Variants in GOT1 observed in about 807,000 individuals in gnomAD.
The protein encoded by GOT1 is glutamic-oxaloacetic transaminase 1, also known as aspartate aminotransferase, cytoplasmic.
A neutral mutation model predicts 48.2 loss-of-function variants in GOT1; 25 were observed. The ratio of observed to expected loss-of-function variants is 0.52; its 90% CI spans 0.38 to 0.72. GOT1 has a LOEUF of 0.72. GOT1 is among the 30% of genes least tolerant of loss of function. GOT1 has a pLI of 0.00. For synonymous variants in GOT1, 188 were observed against 193.8 expected (o/e 0.97, Z 0.25); for missense variants, 380 against 520.1 (o/e 0.73, Z 2.62).
At chr10:99,410,262 T>A (rs1335993563) in intron 2 of GOT1, among the ~76,000 whole-genome samples, 2 of 152,250 alleles carry the variant, frequency 1.3e-5, no homozygotes, top group Non-Finnish European at 2.9e-5. Flanking sequence ...AAGTTGAATG[T>A]CAGTTTCATA....
At chr10:99,422,476 C>A (rs908473437) in intron 1 of GOT1, among the ~76,000 whole-genome samples, 6 of 152,118 alleles carry the variant, frequency 3.9e-5, no homozygotes, top group Non-Finnish European at 7.4e-5. Context: ...TGGGCATATT[C>A]TTTTATAAAA....
chr10:99,424,253 T>C (rs577800978), intron 1 of GOT1, among the ~76,000 whole-genome samples: 1 of 152,338 alleles, frequency 6.6e-6, no homozygotes, highest in East Asian at 1.9e-4. Context: ...AAGTCAATTA[T>C]TTTTCGGGAA....
chr10:99,419,702 G>A (rs1035035431), intron 2 of GOT1, among the ~76,000 whole-genome samples: 1 of 152,142 alleles, frequency 6.6e-6, no homozygotes, highest in African/African-American at 2.4e-5. Flanking sequence ...CTGGCATGGG[G>A]TCCACAGGGC....
intron 5 of GOT1, 59 bp from the exon 6 acceptor site, chr10:99,403,933 C>A: frequency 6.4e-7 from 1 of 1,553,842 alleles, no homozygotes; most frequent in Non-Finnish European, 8.9e-7. Flanking sequence ...CCTCAGACAC[C>A]GGCCTTCCTT....
intron 2 of GOT1, among the ~76,000 whole-genome samples, chr10:99,418,494 CTT>C: frequency 7.1e-6 from 1 of 140,630 alleles, no homozygotes; most frequent in South Asian, 2.3e-4. Context: ...TCCCCACTTT[CTT>C]TTTTTTTTTT....
intron 1 of GOT1, among the ~76,000 whole-genome samples, chr10:99,425,604 C>T (rs2033028593): frequency 6.6e-6 from 1 of 152,058 alleles, no homozygotes; most frequent in African/African-American, 2.4e-5. Flanking sequence ...GAAATAGATT[C>T]GAGGTAGAAA....
intron 2 of GOT1, among the ~76,000 whole-genome samples, chr10:99,408,297 T>G (rs1391101455): frequency 2.0e-5 from 3 of 152,216 alleles, no homozygotes; most frequent in African/African-American, 7.2e-5. Flanking sequence ...TATAGATCTT[T>G]GATTTTGCCT....
At chr10:99,402,900 G>C (rs1366220980) in intron 7 of GOT1, among the ~76,000 whole-genome samples, 178 bp from the exon 8 acceptor site, 1 of 152,210 alleles carries the variant, frequency 6.6e-6, no homozygotes, top group African/African-American at 2.4e-5. Context: ...GACTTAGGGG[G>C]CAGAAGGAAA....
At chr10:99,413,429 A>G (rs2134103130) in intron 2 of GOT1, among the ~76,000 whole-genome samples, 1 of 152,368 alleles carries the variant, frequency 6.6e-6, no homozygotes, top group East Asian at 1.9e-4. Flanking sequence ...TCCAAGAAAT[A>G]TGCGACTATG....
chr10:99,424,297 G>A (rs1412050877), intron 1 of GOT1, among the ~76,000 whole-genome samples: 1 of 152,204 alleles, frequency 6.6e-6, no homozygotes, highest in Admixed American at 6.5e-5. Context: ...AAAAGAGTGA[G>A]TGAATAAGCT....
Position 99,403,528 on chromosome 10 carries a change from G to C in GOT1, c.900C>G (p.Pro300=), listed in dbSNP as rs574932479. 3 of 1,613,864 alleles carry C rather than the reference G, an allele frequency of 1.9e-6. No homozygotes were observed. Among genetic ancestry groups the C allele is most frequent in the East Asian group, 2.2e-5 (1 of 44,894 alleles). Residue 300 remains proline, a synonymous_variant, in exon 7 of 9, where the codon CCC becomes CCG. Coordinates refer to ENST00000370508, the MANE Select transcript of GOT1 (RefSeq NM_002079.3). ...TGGCCACAATTCGTGCTCCCTGGGC[G>C]GGGGGATTGGACCAAGTAATCCGCA... The part of the protein sequence containing the change: ...KIVRITWSNP[P]AQGARIVAST...
chr10:99,403,653 A>C lies in GOT1; in HGVS notation c.794-19T>G. 6.2e-7 allele frequency: 1 copy of C among 1,614,038 alleles called. No individual in the cohort carries two copies. The highest frequency in any genetic ancestry group is 8.5e-7 in the Non-Finnish European group (1 of 1,179,882). On this transcript the variant is annotated intron_variant, in intron 6 of 8. Coordinates refer to ENST00000370508, the MANE Select transcript of GOT1 (RefSeq NM_002079.3). ...CTCTCATCTAAAGAGAGGGACCAGA[A>C]TCAGCTGTGGCTGCTGAAGCAGGGA...
At chr10:99,428,166 T>A (rs527509198) in intron 1 of GOT1, among the ~76,000 whole-genome samples, 1 of 152,300 alleles carries the variant, frequency 6.6e-6, no homozygotes, top group African/African-American at 2.4e-5. Flanking sequence ...TTATTCAATA[T>A]CTTTTATGAG....
At chr10:99,411,306 G>A (rs138066011) in intron 2 of GOT1, among the ~76,000 whole-genome samples, 3 of 152,306 alleles carry the variant, frequency 2.0e-5, no homozygotes, top group African/African-American at 4.8e-5. Context: ...ATGAAAAATC[G>A]ACATTTCTGT....
intron 1 of GOT1, chr10:99,430,237 T>C: frequency 7.0e-7 from 1 of 1,431,162 alleles, no homozygotes; most frequent in Non-Finnish European, 9.5e-7. Context: ...TTGTGCGGCC[T>C]CGGACACATC....
chr10:99,404,952 T>C (rs2032733817), intron 5 of GOT1, among the ~76,000 whole-genome samples: 1 of 152,122 alleles, frequency 6.6e-6, no homozygotes, highest in South Asian at 2.1e-4. Context: ...TAGAAACCAC[T>C]GCTTCCAGGA....
At chr10:99,412,183 G>A (rs2032835372) in intron 2 of GOT1, among the ~76,000 whole-genome samples, 6 of 152,090 alleles carry the variant, frequency 3.9e-5, no homozygotes. Flanking sequence ...CTAGAGAACA[G>A]CAAGACTCTT....
At chr10:99,413,376 G>T (rs1425940586) in intron 2 of GOT1, among the ~76,000 whole-genome samples, 1 of 152,176 alleles carries the variant, frequency 6.6e-6, no homozygotes, top group Non-Finnish European at 1.5e-5. Context: ...GAAGTGAGAA[G>T]AGAAGTTTAG....
Position 99,397,493 on chromosome 10 carries a change from G to A in GOT1, c.*54C>T. 2 of 1,581,906 alleles carry A rather than the reference G, an allele frequency of 1.3e-6. No homozygotes were observed. The highest frequency in any genetic ancestry group is 1.7e-6 in the Non-Finnish European group (2 of 1,152,430). On this transcript the variant is annotated 3_prime_UTR_variant, in exon 9 of 9. Transcript: ENST00000370508. This position sits in a 1 kb window ranked among gnomAD's most constrained non-coding sequence, Gnocchi z 5.4. Reference sequence around the variant, plus strand: ...ATGTACATGTAGGTTTGTGCAGGCAGGGAACACACATGACAGAGAACTACT... The same window carrying A: ...ATGTACATGTAGGTTTGTGCAGGCAAGGAACACACATGACAGAGAACTACT...
Sources: gnomAD v4.1 joint callset for allele counts (sites outside exome capture counted in the v4.1 genomes callset) on GRCh38, gnomAD v4.1.1 for gene constraint, Gnocchi (gnomAD v3.1) non-coding constraint, MANE v1.5 for transcripts, NCBI Gene and HGNC (gene_info 2026-07-23, HGNC 2026-07-21) for gene names.